The following ZNF536 variants were observed in gnomAD, a reference collection of about 807,000 sequenced individuals.
ZNF536 encodes zinc finger protein 536.
Under a neutral mutation model 84.5 loss-of-function variants are expected in ZNF536, and 13 were observed. The observed-to-expected ratio is 0.15, with a 90% CI of 0.10 to 0.24. The LOEUF (loss-of-function observed/expected upper bound fraction) is 0.24, where lower values mean the gene tolerates loss of function less well. Ranked by LOEUF, ZNF536 falls within the 10% of genes least tolerant of loss-of-function variation. ZNF536 has a pLI of 1.00. For synonymous variants in ZNF536, 811 were observed against 742.5 expected (o/e 1.09, Z -1.50); for missense variants, 1,536 against 1,747.5 (o/e 0.88, Z 2.16).
In ZNF536 at chr19:30,711,178, C is replaced by T. The variant is rs2052444219; in HGVS notation, c.*177C>T. 3 of 151,636 alleles carry T rather than the reference C, an allele frequency of 2.0e-5. No individual in the cohort carries two copies. In the South Asian group the frequency reaches 6.3e-4, roughly 32 times the overall value. 9.4% of individuals were successfully genotyped at this position (151,636 alleles called of 1,614,324 possible). A position where few individuals can be genotyped will look rare whatever the true frequency, so the allele number is the denominator to read the frequency against. ...ATATATATTAAAAAAAAAAAATTCC[C>T]CAGCCCTTGAAAATGGCTGCTAAAC... On this transcript the variant is annotated 3_prime_UTR_variant, in exon 2 of 2. Transcript: ENST00000592773.
chr19:30,641,455 A>T (rs1401251643), intron 1 of ZNF536, among the ~76,000 whole-genome samples: 1 of 152,242 alleles, frequency 6.6e-6, no homozygotes, highest in African/African-American at 2.4e-5. Context: ...GTAGTATGAA[A>T]TTTTTTCTCA....
At chr19:30,361,090 A>C (rs2048259277) in intron 3 of ZNF536, among the ~76,000 whole-genome samples, 1 of 152,192 alleles carries the variant, frequency 6.6e-6, no homozygotes, top group South Asian at 2.1e-4. Context: ...ACCTGAAGTT[A>C]CTCACAGCAC....
intron 1 of ZNF536, among the ~76,000 whole-genome samples, chr19:30,707,168 G>A (rs534793550): frequency 1.1e-4 from 17 of 152,224 alleles, no homozygotes; most frequent in African/African-American, 3.6e-4. Flanking sequence ...TGGCCAGGAC[G>A]ATCTACTTGG....
chr19:30,582,844 C>T (rs1017647759), intron 1 of ZNF536, among the ~76,000 whole-genome samples: 4 of 152,132 alleles, frequency 2.6e-5, no homozygotes, highest in Non-Finnish European at 5.9e-5. Context: ...GGAAACCATC[C>T]CCATGATTCA....
chr19:30,351,397 G>C (rs1183932882), intron 2 of ZNF536, among the ~76,000 whole-genome samples: 1 of 152,092 alleles, frequency 6.6e-6, no homozygotes, highest in African/African-American at 2.4e-5. Context: ...TAGAGTTAAG[G>C]GTTCTGATGC....
At chr19:30,371,735 C>T (rs548706169), upstream of ZNF536, among the ~76,000 whole-genome samples, 172 of 150,432 alleles carry the variant, frequency 1.1e-3, no homozygotes, top group African/African-American at 4.1e-3. Context: ...GCAGCGGCCC[C>T]AAAAGAGTCA....
chr19:30,444,748 C>G lies in ZNF536; in HGVS notation c.1186C>G (p.Leu396Val), dbSNP rs771743074. 2 of 1,614,014 alleles carry G rather than the reference C, an allele frequency of 1.2e-6. No homozygotes were observed. The highest frequency in any genetic ancestry group is 1.7e-6 in the Non-Finnish European group (2 of 1,180,048). The change falls in exon 2 of 5, where the codon CTC becomes GTC. Residue 396 changes from leucine (L) to valine (V), a missense_variant. Physicochemically the swap from Leu to Val is conservative, Grantham distance 32. Transcript: ENST00000355537. ...CCTCAAGAACCACATGAAGGTCCACCTCAACAAGCTGTCGGTGAAGAACAA... is the reference window on the plus strand; with the variant it reads ...CCTCAAGAACCACATGAAGGTCCACGTCAACAAGCTGTCGGTGAAGAACAA... ...WFLKNHMKVHLNKLSVKNKSP... is the reference protein window; with the variant it reads ...WFLKNHMKVHVNKLSVKNKSP...
intron 1 of ZNF536, among the ~76,000 whole-genome samples, chr19:30,672,128 CT>C (rs2050581947): frequency 6.6e-6 from 1 of 152,268 alleles, no homozygotes. Flanking sequence ...AGATAGATTA[CT>C]TGGCCAGAGA....
At chr19:30,418,103 ATT>A (rs769463321) in intron 1 of ZNF536, among the ~76,000 whole-genome samples, 53 of 145,408 alleles carry the variant, frequency 3.6e-4, no homozygotes, top group African/African-American at 1.2e-3. Flanking sequence ...ATTGCCAAGC[ATT>A]TTTTTTTTTT....
chr19:30,333,930 T>TA (rs1426979525), intron 2 of ZNF536, among the ~76,000 whole-genome samples: 1 of 152,188 alleles, frequency 6.6e-6, no homozygotes, highest in Non-Finnish European at 1.5e-5. Flanking sequence ...ATGATTTTTT[T>TA]AAAAAATCAC....
chr19:30,552,113 C>A (rs1375150928), intron 4 of ZNF536, among the ~76,000 whole-genome samples: 2 of 152,118 alleles, frequency 1.3e-5, no homozygotes, highest in African/African-American at 4.8e-5. Flanking sequence ...AGCTTCAAAC[C>A]CCCACTAGCT....
In ZNF536 at chr19:30,373,711, A is replaced by C. The variant is rs1253543566; in HGVS notation, c.-3+1155A>C. Among the ~76,000 whole-genome samples, 7 of 152,368 alleles carry C rather than the reference A, an allele frequency of 4.6e-5. No homozygotes were observed. In the East Asian group the frequency reaches 1.4e-3, roughly 29 times the overall value. On this transcript the variant is annotated intron_variant, in intron 1 of 4. Coordinates refer to ENST00000355537, the MANE Select transcript of ZNF536 (RefSeq NM_014717.3). ...AGGGACTGCTGTGCTATCACAACGC[A>C]GAGAAAGACCAAGTCTCTGGGAGCA...
At chr19:30,530,478 C>T (rs567905622) in intron 2 of ZNF536, among the ~76,000 whole-genome samples, 8 of 152,248 alleles carry the variant, frequency 5.3e-5, no homozygotes, top group African/African-American at 1.7e-4. Flanking sequence ...TCCCAAGTAG[C>T]TGGGATTACA....
intron 1 of ZNF536, among the ~76,000 whole-genome samples, chr19:30,640,542 G>A (rs1377860493): frequency 3.3e-5 from 5 of 152,168 alleles, no homozygotes; most frequent in Non-Finnish European, 7.3e-5. Context: ...CTGGCAAATT[G>A]AGGTATCGTA....
At chr19:30,337,893 A>G (rs1399470578) in intron 2 of ZNF536, among the ~76,000 whole-genome samples, 8 of 152,182 alleles carry the variant, frequency 5.3e-5, no homozygotes, top group African/African-American at 1.9e-4. Flanking sequence ...ATAAGTGATG[A>G]TGGTGGTGAT....
intron 1 of ZNF536, among the ~76,000 whole-genome samples, chr19:30,569,256 G>A (rs1432746048): frequency 2.0e-5 from 3 of 152,192 alleles, no homozygotes; most frequent in East Asian, 1.9e-4. Flanking sequence ...CCCTGGTGAG[G>A]TTAGAAGACC....
At chr19:30,586,563 G>A (rs1461566760) in intron 1 of ZNF536, among the ~76,000 whole-genome samples, 1 of 152,092 alleles carries the variant, frequency 6.6e-6, no homozygotes, top group Admixed American at 6.5e-5. Flanking sequence ...TCTGGTACTT[G>A]ATATAATTTC....
At position 30,548,522 on chromosome 19, in the gene ZNF536, C is replaced by T. The variant is rs2045644605; in HGVS notation, c.2903C>T (p.Ser968Phe). The change falls in exon 4 of 5, where the codon TCC becomes TTC. Residue 968 changes from serine to phenylalanine, a missense_variant. By Grantham distance (155) the Ser-to-Phe change is radical. Around this residue, in one of 8 missense-constraint regions of ZNF536, gnomAD observed 624 missense variants for 603.1 expected, o/e 1.03. Coordinates refer to ENST00000355537, the MANE Select transcript of ZNF536 (RefSeq NM_014717.3). The part of the protein sequence containing the change: ...KPSGKSSQRK[S>F]EKSQYEPLDL... ...AGTGGCAAGTCCTCCCAGAGGAAGTCCGAGAAATCTCAGTATGAACCCCTG... is the reference window on the plus strand; with the variant it reads ...AGTGGCAAGTCCTCCCAGAGGAAGTTCGAGAAATCTCAGTATGAACCCCTG... 9 of 1,614,122 alleles carry T rather than the reference C, an allele frequency of 5.6e-6. No individual in the cohort carries two copies. The East Asian group carries it at 1.8e-4, about 32-fold the overall frequency.
intron 1 of ZNF536, among the ~76,000 whole-genome samples, chr19:30,564,546 G>T (rs1305290977): frequency 6.6e-6 from 1 of 152,100 alleles, no homozygotes; most frequent in Admixed American, 6.5e-5. Context: ...TGGTGGTCAG[G>T]CTGGGGAGAA....
Sources: allele counts gnomAD v4.1 joint callset (sites outside exome capture counted in the v4.1 genomes callset), GRCh38; gene constraint gnomAD v4.1.1; regional missense constraint gnomAD v4.1.1; transcripts MANE v1.5; gene names NCBI Gene and HGNC (gene_info 2026-07-23, HGNC 2026-07-21).